MAP4K5: variants seen among roughly 807,000 people sequenced by gnomAD.
The protein encoded by MAP4K5 is mitogen-activated protein kinase kinase kinase kinase 5, also known as MAPK/ERK kinase kinase kinase 5.
A neutral mutation model predicts 135.6 loss-of-function variants in MAP4K5; 82 were observed. The ratio of observed to expected loss-of-function variants is 0.60; its 90% CI spans 0.51 to 0.73. The LOEUF is 0.73. MAP4K5 is among the 30% of genes least tolerant of loss of function. MAP4K5 has a pLI of 0.00. For missense variants in MAP4K5, 907 were observed against 1,010.9 expected (o/e 0.90, Z 1.39); for synonymous variants, 347 against 335.0 (o/e 1.04, Z -0.39).
intron 1 of MAP4K5, among the ~76,000 whole-genome samples, chr14:50,552,284 A>G (rs961930047): frequency 6.6e-6 from 1 of 152,208 alleles, no homozygotes; most frequent in Non-Finnish European, 1.5e-5. Context: ...AATTAATTAA[A>G]TAAAATACTT....
chr14:50,429,444 T>C (rs976747215), intron 28 of MAP4K5, among the ~76,000 whole-genome samples, 184 bp from the exon 29 acceptor site: 1 of 152,230 alleles, frequency 6.6e-6, no homozygotes, highest in African/African-American at 2.4e-5. Flanking sequence ...AAATATGTCC[T>C]AAGCATGGCT....
intron 3 of MAP4K5, among the ~76,000 whole-genome samples, chr14:50,494,957 C>T (rs945796400): frequency 2.0e-5 from 3 of 152,144 alleles, no homozygotes; most frequent in African/African-American, 7.2e-5. Flanking sequence ...AAATGTAAGA[C>T]CCCAAATTAT....
At chr14:50,466,543 G>C (rs1022882202) in intron 11 of MAP4K5, 40 bp downstream of exon 11, 2 of 1,009,030 alleles carry the variant, frequency 2.0e-6, no homozygotes, top group Non-Finnish European at 3.0e-6. Flanking sequence ...TACTCCTTTC[G>C]ATTGTAAAAT....
At chr14:50,522,871 T>C (rs2038180849) in intron 2 of MAP4K5, among the ~76,000 whole-genome samples, 1 of 152,182 alleles carries the variant, frequency 6.6e-6, no homozygotes, top group African/African-American at 2.4e-5. Flanking sequence ...TTTTTAGGCA[T>C]TGGACTAGAC....
At chr14:50,484,504 A>C (rs1316254290) in intron 5 of MAP4K5, among the ~76,000 whole-genome samples, 1 of 152,188 alleles carries the variant, frequency 6.6e-6, no homozygotes, top group Non-Finnish European at 1.5e-5. Context: ...TTTACATTCT[A>C]TATTTATACT....
At chr14:50,425,761 A>G in intron 31 of MAP4K5, 146 bp downstream of exon 31, 1 of 489,690 alleles carries the variant, frequency 2.0e-6, no homozygotes, top group Non-Finnish European at 3.6e-6. Flanking sequence ...TTGAAGGGAA[A>G]ATACTGGCTT....
intron 2 of MAP4K5, among the ~76,000 whole-genome samples, chr14:50,530,031 G>C (rs2038352601): frequency 6.6e-6 from 1 of 152,208 alleles, no homozygotes; most frequent in Admixed American, 6.5e-5. Flanking sequence ...GAAAACAAAA[G>C]ACAAGGAGCT....
At chr14:50,543,776 T>A (rs1219871960) in intron 1 of MAP4K5, among the ~76,000 whole-genome samples, 1 of 152,204 alleles carries the variant, frequency 6.6e-6, no homozygotes, top group Non-Finnish European at 1.5e-5. Flanking sequence ...GCTCTTCTAT[T>A]ATTCCTAATA....
rs1024507202 is a variant in MAP4K5 at position 50,482,215 on chromosome 14, A to G, written c.378+146T>C. On this transcript the variant is annotated intron_variant, in intron 6 of 32. Transcript: ENST00000682126. Reference sequence around the variant, plus strand: ...AGTTTTACAGAATTATAAGAGATTAACAGAAAAATCATTTTGTTTTACCCT... The same window carrying G: ...AGTTTTACAGAATTATAAGAGATTAGCAGAAAAATCATTTTGTTTTACCCT... 7.7e-6 allele frequency: 4 copies of G among 519,250 alleles called. No individual in the cohort carries two copies. In the African/African-American group the frequency reaches 8.1e-5, roughly 11 times the overall value. 32.2% of individuals were successfully genotyped at this position (519,250 alleles called of 1,614,324 possible). A position where few individuals can be genotyped will look rare whatever the true frequency, so the allele number is the denominator to read the frequency against.
chr14:50,540,605 A>T (rs2038548768), intron 2 of MAP4K5, among the ~76,000 whole-genome samples: 1 of 152,212 alleles, frequency 6.6e-6, no homozygotes, highest in African/African-American at 2.4e-5. Flanking sequence ...AGCTCTAAAT[A>T]ATAATCTCTG....
intron 9 of MAP4K5, among the ~76,000 whole-genome samples, chr14:50,469,392 C>A (rs1037662834): frequency 2.0e-5 from 3 of 152,106 alleles, no homozygotes; most frequent in African/African-American, 7.2e-5. Flanking sequence ...TAGAGAAAGT[C>A]TCAAAAGTGT....
chr14:50,449,471 C>A (rs1369763274), intron 14 of MAP4K5: 1 of 151,852 alleles, frequency 6.6e-6, no homozygotes, highest in Non-Finnish European at 1.5e-5. Context: ...ATTAAAAGCC[C>A]CCCAAATTTT....
At chr14:50,516,532 A>G (rs79442235) in intron 2 of MAP4K5, among the ~76,000 whole-genome samples, 5,166 of 152,314 alleles carry the variant, frequency 0.034, 92 homozygotes, top group Middle Eastern at 0.058. Flanking sequence ...AGAATCCTAA[A>G]AAATTAGCCA....
intron 2 of MAP4K5, among the ~76,000 whole-genome samples, chr14:50,538,219 G>C (rs922197151): frequency 5.9e-5 from 9 of 152,254 alleles, no homozygotes; most frequent in African/African-American, 2.2e-4. Context: ...CCCTCCCTTT[G>C]CCTATTGCCA....
chr14:50,469,342 T>G (rs2036903954), intron 9 of MAP4K5, among the ~76,000 whole-genome samples: 1 of 152,212 alleles, frequency 6.6e-6, no homozygotes, highest in Non-Finnish European at 1.5e-5. Context: ...TTATCTTATT[T>G]TACAAATAAG....
intron 17 of MAP4K5, 62 bp downstream of exon 17, chr14:50,446,017 T>A: frequency 9.1e-7 from 1 of 1,102,048 alleles, no homozygotes; most frequent in South Asian, 2.0e-5. Context: ...CAAAATTATT[T>A]TAAAAATTTA....
chr14:50,548,119 A>G (rs1391684130), intron 1 of MAP4K5, among the ~76,000 whole-genome samples: 1 of 152,164 alleles, frequency 6.6e-6, no homozygotes, highest in Non-Finnish European at 1.5e-5. Flanking sequence ...TAGGGGCCCA[A>G]ATTCCTGGGA....
chr14:50,507,723 T>C (rs1401681000), intron 2 of MAP4K5, among the ~76,000 whole-genome samples: 1 of 152,232 alleles, frequency 6.6e-6, no homozygotes, highest in Non-Finnish European at 1.5e-5. Flanking sequence ...CAGTTTGTTA[T>C]AATTTCTGTA....
At chr14:50,529,394 A>G (rs1405783010) in intron 2 of MAP4K5, among the ~76,000 whole-genome samples, 1 of 152,106 alleles carries the variant, frequency 6.6e-6, no homozygotes, top group Non-Finnish European at 1.5e-5. Flanking sequence ...ATCCAAACAA[A>G]CAGACAAACA....
Sources: gnomAD v4.1 joint callset for allele counts (sites outside exome capture counted in the v4.1 genomes callset) on GRCh38, gnomAD v4.1.1 for gene constraint, MANE v1.5 for transcripts, NCBI Gene and HGNC (gene_info 2026-07-23, HGNC 2026-07-21) for gene names.